Variants in FADS3 observed in about 807,000 individuals in gnomAD.
FADS3 encodes fatty acid desaturase 3.
FADS3 carries 30 observed loss-of-function variants against 60.4 expected under a neutral mutation model. The observed-to-expected ratio is 0.50, with a 90% CI of 0.37 to 0.67. FADS3 has a LOEUF of 0.67. Ranked by LOEUF, FADS3 falls within the 30% of genes least tolerant of loss-of-function variation. FADS3 has a pLI of 0.00. For missense variants in FADS3, 432 were observed against 598.3 expected, an observed-to-expected ratio of 0.72 and a Z score of 2.90; for synonymous variants, 234 against 249.3, an observed-to-expected ratio of 0.94 and a Z score of 0.58.
At chr11:61,878,288 C>T in intron 5 of FADS3, 73 bp from the exon 6 acceptor site, 1 of 1,516,182 alleles carries the variant, frequency 6.6e-7, no homozygotes, top group Non-Finnish European at 9.1e-7. Flanking sequence ...GGTCACGGGG[C>T]TGGCTGGGGC....
At position 61,877,994 on chromosome 11, in the gene FADS3, G is replaced by C; in HGVS notation, c.808+161C>G. 2 of 686,784 alleles carry C rather than the reference G, an allele frequency of 2.9e-6. No individual in the cohort carries two copies. Among genetic ancestry groups the C allele is most frequent in the Non-Finnish European group, 5.2e-6 (2 of 387,114 alleles). 42.5% of individuals were successfully genotyped at this position (686,784 alleles called of 1,614,324 possible). ...AGCTGGGGCAAAGGCATGCTGCTGGGAGAGTGTGTACAGACTGCAGAGGCT... is the reference window on the plus strand; with the variant it reads ...AGCTGGGGCAAAGGCATGCTGCTGGCAGAGTGTGTACAGACTGCAGAGGCT... On this transcript the variant is annotated intron_variant, in intron 6 of 11. Coordinates refer to ENST00000278829, the MANE Select transcript of FADS3 (RefSeq NM_021727.5). This position sits in a 1 kb window ranked among gnomAD's most constrained non-coding sequence, Gnocchi z 4.7.
In FADS3 at chr11:61,876,259, C is replaced by G; in HGVS notation, c.1081-69G>C. On this transcript the variant is annotated intron_variant, in intron 9 of 11. Transcript: ENST00000278829. The surrounding 1 kb of genome is among the most constrained non-coding windows in gnomAD (Gnocchi z 5.7). ...TCCCTGACCCCACGGCACCATCCCC[C>G]ACCTGGCAGCCCCGTCAGGGCCTCA... 1.3e-6 allele frequency: 2 copies of G among 1,574,374 alleles called. No individual in the cohort carries two copies. Among genetic ancestry groups the G allele is most frequent in the South Asian group, 2.3e-5 (2 of 87,946 alleles).
Position 61,873,747 on chromosome 11 carries a change from G to C in FADS3, c.*67C>G. The C allele has an allele frequency of 8.1e-7, 1 of 1,237,370 alleles. No homozygotes were observed. The highest frequency in any genetic ancestry group is 1.2e-6 in the Non-Finnish European group (1 of 855,062). The allele number at this position is 1,237,370 out of a possible 1,614,324, so 76.6% of individuals were successfully genotyped here. ...TGGCCAGTGGAGGGGTGAGGGTATC[G>C]ATCCCGCCGGGGGCTGGCTTGGTTG... On this transcript the variant is annotated 3_prime_UTR_variant, in exon 12 of 12. Transcript: ENST00000278829.
rs1937896895 is a variant in FADS3 at position 61,876,582 on chromosome 11, G to A, written c.984-127C>T. 9.1e-6 allele frequency: 7 copies of A among 766,712 alleles called. No individual in the cohort carries two copies. Among genetic ancestry groups the A allele is most frequent in the African/African-American group, 1.7e-5 (1 of 58,908 alleles). The allele number at this position is 766,712 out of a possible 1,614,324, so 47.5% of individuals were successfully genotyped here. ...TCTGTACAATAGGATTGTGGCCATC[G>A]CCCCCTTGCCAGTGTTTAAAGAATC... On this transcript the variant is annotated intron_variant, in intron 8 of 11. Transcript: ENST00000278829. The surrounding 1 kb of genome is among the most constrained non-coding windows in gnomAD (Gnocchi z 5.7).
intron 1 of FADS3, chr11:61,882,093 TG>T (rs1489690258): frequency 7.9e-6 from 1 of 126,942 alleles, no homozygotes. Flanking sequence ...CTGACCCCAC[TG>T]GGTGTTTTTT....
chr11:61,876,762 T>C lies in FADS3; in HGVS notation c.983+104A>G, dbSNP rs76242765. The stretch of plus-strand genomic sequence containing the variant: ...TTCCACCAGCAAGCCAGGGAGGCAG[T>C]ACCACTGGCCCCATTCTGCAGACGG... On this transcript the variant is annotated intron_variant, in intron 8 of 11. Transcript: ENST00000278829. This position sits in a 1 kb window ranked among gnomAD's most constrained non-coding sequence, Gnocchi z 5.7. 2.4e-3 allele frequency: 2,273 copies of C among 935,686 alleles called. 29 individuals carry two copies. The African/African-American group carries it at 0.03, about 13-fold the overall frequency. The allele number at this position is 935,686 out of a possible 1,614,324, so 58.0% of individuals were successfully genotyped here.
At chr11:61,889,571 T>C (rs769400524) in intron 1 of FADS3, among the ~76,000 whole-genome samples, 23 of 150,076 alleles carry the variant, frequency 1.5e-4, no homozygotes, top group Non-Finnish European at 2.7e-4. Flanking sequence ...CGCTTGAACC[T>C]GGGAGGCGGA....
chr11:61,885,028 C>T (rs1481235963), intron 1 of FADS3, among the ~76,000 whole-genome samples: 2 of 152,152 alleles, frequency 1.3e-5, no homozygotes, highest in Admixed American at 1.3e-4. Context: ...AATGAAGGCT[C>T]AGCGGGAAGG....
At position 61,876,118 on chromosome 11, in the gene FADS3, C is replaced by A; in HGVS notation, c.1153G>T (p.Glu385Ter). Reference sequence around the variant, plus strand: ...CCCAGCACCCACACTCACTGGTGCTCGATCTGGAAGTTGAGGTGCCCGCTG... The same window carrying A: ...CCCAGCACCCACACTCACTGGTGCTAGATCTGGAAGTTGAGGTGCCCGCTG... ...WFSGHLNFQI[E>*]HHLFPRMPRH... Residue 385 changes from glutamate to a stop codon, truncating the protein, a stop_gained, in exon 10 of 12, where the codon GAG becomes TAG. Coordinates refer to ENST00000278829, the MANE Select transcript of FADS3 (RefSeq NM_021727.5). LOFTEE classifies it high-confidence loss of function. This position sits in a 1 kb window ranked among gnomAD's most constrained non-coding sequence, Gnocchi z 5.7. 1 of 1,610,044 alleles carries A rather than the reference C, an allele frequency of 6.2e-7. No individual in the cohort carries two copies.
Position 61,873,837 on chromosome 11 carries a change from G to A in FADS3, c.1315C>T (p.Leu439=), listed in dbSNP as rs562037669. The stretch of plus-strand genomic sequence containing the variant: ...CTTCACTGATGGAGGTAGGCGTCCA[G>A]CCAGATGTCACCAGACTTCTTCAGG... ...RSLKKSGDIW[L]DAYLHQ is the part of the protein sequence containing the mutation. Residue 439 remains leucine, a synonymous_variant, in exon 12 of 12, where the codon CTG becomes TTG. Coordinates refer to ENST00000278829, the MANE Select transcript of FADS3 (RefSeq NM_021727.5). 6.2e-7 allele frequency: 1 copy of A among 1,605,656 alleles called. No homozygotes were observed. Among genetic ancestry groups the A allele is most frequent in the Non-Finnish European group, 8.5e-7 (1 of 1,176,060 alleles).
chr11:61,873,954 C>G (rs906955220), intron 11 of FADS3, 89 bp from the exon 12 acceptor site: 3 of 834,298 alleles, frequency 3.6e-6, no homozygotes, highest in Non-Finnish European at 5.8e-6. Flanking sequence ...TAAGTGTGAG[C>G]GGAGATCCCC....
chr11:61,876,818 TG>T lies in FADS3; in HGVS notation c.983+47del. 1 of 1,421,704 alleles carries T rather than the reference TG, an allele frequency of 7.0e-7. No individual in the cohort carries two copies. Among genetic ancestry groups the T allele is most frequent in the Non-Finnish European group, 9.8e-7 (1 of 1,024,328 alleles). The allele number at this position is 1,421,704 out of a possible 1,614,324, so 88.1% of individuals were successfully genotyped here. A position where few individuals can be genotyped will look rare whatever the true frequency, so the allele number is the denominator to read the frequency against. On this transcript the variant is annotated intron_variant, in intron 8 of 11. Transcript: ENST00000278829. The surrounding 1 kb of genome is among the most constrained non-coding windows in gnomAD (Gnocchi z 5.7). ...GGGAAGCTCTGGTGGGGGGCTGCAGTGGGGGTCACCTGTCGCCTGTGTGTGA... is the reference window on the plus strand; with the variant it reads ...GGGAAGCTCTGGTGGGGGGCTGCAGTGGGGTCACCTGTCGCCTGTGTGTGA...
In FADS3 at chr11:61,891,395, G is replaced by A. The variant is rs1265773766; in HGVS notation, c.-14C>T. The A allele has an allele frequency of 2.1e-6, 3 of 1,408,216 alleles. No homozygotes were observed. The African/African-American group carries it at 4.5e-5, about 21-fold the overall frequency. 87.2% of individuals were successfully genotyped at this position (1,408,216 alleles called of 1,614,324 possible). A position where few individuals can be genotyped will look rare whatever the true frequency, so the allele number is the denominator to read the frequency against. ...GACGCCGCCCATGCTGCACGCACGAGTCCTGGGGATCCCAGGCGGTGGCCG... is the reference window on the plus strand; with the variant it reads ...GACGCCGCCCATGCTGCACGCACGAATCCTGGGGATCCCAGGCGGTGGCCG... On this transcript the variant is annotated 5_prime_UTR_variant, in exon 1 of 12. Coordinates refer to ENST00000278829, the MANE Select transcript of FADS3 (RefSeq NM_021727.5).
Position 61,878,649 on chromosome 11 carries a change from G to C in FADS3, c.625-15C>G. ...GCGGAGAAGCCCTGTGGAGGAGGAG[G>C]GGGCTCTCAGGGCAGGCTGTGCCCC... On this transcript the variant is annotated splice_polypyrimidine_tract_variant and intron_variant, in intron 4 of 11. Coordinates refer to ENST00000278829, the MANE Select transcript of FADS3 (RefSeq NM_021727.5). 1 of 1,613,894 alleles carries C rather than the reference G, an allele frequency of 6.2e-7. No individual in the cohort carries two copies. The highest frequency in any genetic ancestry group is 1.1e-5 in the South Asian group (1 of 91,052).
At chr11:61,884,159 A>C (rs1046539874) in intron 1 of FADS3, among the ~76,000 whole-genome samples, 1 of 152,198 alleles carries the variant, frequency 6.6e-6, no homozygotes, top group African/African-American at 2.4e-5. Context: ...GCTAAGACTC[A>C]GAGAGGTTAA....
Position 61,879,495 on chromosome 11 carries a change from C to T in FADS3, c.339G>A (p.Glu113=), listed in dbSNP as rs776042121. The T allele has an allele frequency of 1.5e-5, 24 of 1,583,760 alleles. No individual in the cohort carries two copies. Among genetic ancestry groups the T allele is most frequent in the Non-Finnish European group, 2.0e-5 (23 of 1,167,912 alleles). ...QDGPLNAQLV[E]DFRALHQAAE... Reference sequence around the variant, plus strand: ...CTGCCTGGTGCAGGGCTCGGAAGTCCTCGACCAGCTGCGCCTGCCATAGCA... The same window carrying T: ...CTGCCTGGTGCAGGGCTCGGAAGTCTTCGACCAGCTGCGCCTGCCATAGCA... Residue 113 remains glutamate (E), a synonymous_variant, in exon 3 of 12, where the codon GAG becomes GAA. Transcript: ENST00000278829.
chr11:61,884,854 A>C (rs1002461343), intron 1 of FADS3, among the ~76,000 whole-genome samples: 2 of 152,048 alleles, frequency 1.3e-5, no homozygotes, highest in Admixed American at 1.3e-4. Flanking sequence ...TCAAAACGGC[A>C]CCCCTAAACA....
chr11:61,883,675 C>T (rs1313336275), intron 1 of FADS3, among the ~76,000 whole-genome samples: 1 of 152,226 alleles, frequency 6.6e-6, no homozygotes, highest in Non-Finnish European at 1.5e-5. Context: ...TCTATCACCC[C>T]ATGTCAGTTC....
Position 61,876,459 on chromosome 11 carries a change from T to G in FADS3, c.984-4A>C, listed in dbSNP as rs1332105583. ...GAACCAGTGGCTTTCCAGGACCCTGTGGGGAGGCTCGGGCACTGCCCTAGG... is the reference window on the plus strand; with the variant it reads ...GAACCAGTGGCTTTCCAGGACCCTGGGGGGAGGCTCGGGCACTGCCCTAGG... On this transcript the variant is annotated splice_region_variant and splice_polypyrimidine_tract_variant and intron_variant, in intron 8 of 11. Coordinates refer to ENST00000278829, the MANE Select transcript of FADS3 (RefSeq NM_021727.5). This position sits in a 1 kb window ranked among gnomAD's most constrained non-coding sequence, Gnocchi z 5.7. The G allele has an allele frequency of 6.2e-7, 1 of 1,613,006 alleles. No individual in the cohort carries two copies. Among genetic ancestry groups the G allele is most frequent in the Non-Finnish European group, 8.5e-7 (1 of 1,179,734 alleles).
Sources: allele counts gnomAD v4.1 joint callset (sites outside exome capture counted in the v4.1 genomes callset), GRCh38; gene constraint gnomAD v4.1.1; non-coding constraint Gnocchi (gnomAD v3.1); transcripts MANE v1.5; gene names NCBI Gene and HGNC (gene_info 2026-07-23, HGNC 2026-07-21).